The following TECTB variants were observed in gnomAD, a reference collection of about 807,000 sequenced individuals.
The protein encoded by TECTB is beta-tectorin.
A neutral mutation model predicts 43.3 loss-of-function variants in TECTB; 45 were observed. The observed-to-expected ratio is 1.04, with a 90% confidence interval of 0.82 to 1.33. The LOEUF (loss-of-function observed/expected upper bound fraction) is 1.33, where lower values mean the gene tolerates loss of function less well. TECTB is among the 40% of genes most tolerant of loss of function. The probability of loss-of-function intolerance (pLI) is 0.00; values close to 1 mark genes in which losing one functional copy is unlikely to be tolerated. For synonymous variants in TECTB, 169 were observed against 156.7 expected (o/e 1.08, Z -0.59); for missense variants, 399 against 404.7 (o/e 0.99, Z 0.12).
intron 5 of TECTB, among the ~76,000 whole-genome samples, chr10:112,292,858 T>C (rs1848510824): frequency 6.6e-6 from 1 of 152,118 alleles, no homozygotes; most frequent in Non-Finnish European, 1.5e-5. Flanking sequence ...GCCTCCTTGC[T>C]GTGCTGCCAG....
At chr10:112,294,873 GAA>G (rs904464733) in intron 7 of TECTB, among the ~76,000 whole-genome samples, 3 of 152,206 alleles carry the variant, frequency 2.0e-5, no homozygotes, top group Non-Finnish European at 4.4e-5. Flanking sequence ...GACAGCGCAA[GAA>G]ATCTGGGGAG....
At chr10:112,295,121 T>A (rs1413930558) in intron 7 of TECTB, among the ~76,000 whole-genome samples, 1 of 152,176 alleles carries the variant, frequency 6.6e-6, no homozygotes, top group Non-Finnish European at 1.5e-5. Flanking sequence ...ATCATACACA[T>A]AATTAGCAGT....
Position 112,298,185 on chromosome 10 carries a change from A to G in TECTB, c.788A>G (p.His263Arg), listed in dbSNP as rs754864230. 10 of 1,614,068 alleles carry G rather than the reference A, an allele frequency of 6.2e-6. No individual in the cohort carries two copies. The highest frequency in any genetic ancestry group is 1.6e-4 in the Middle Eastern group (1 of 6,084). Residue 263 changes from histidine (H) to arginine (R), a missense_variant, in exon 8 of 11, where the codon CAC becomes CGC. His to Arg is a conservative substitution (Grantham distance 29). Transcript: ENST00000646139. ...NIPKLSKVWL[H>R]CETFICDSEK... ...CCCAAACTCTCCAAGGTGTGGTTACACTGTGAGACGTTCATCTGCGACAGT... is the reference window on the plus strand; with the variant it reads ...CCCAAACTCTCCAAGGTGTGGTTACGCTGTGAGACGTTCATCTGCGACAGT...
chr10:112,302,388 G>A (rs990150517), intron 10 of TECTB: 10 of 436,392 alleles, frequency 2.3e-5, no homozygotes, highest in Non-Finnish European at 4.0e-5. Context: ...CCAAGTCTTA[G>A]TAAAGCCATC....
intron 5 of TECTB, among the ~76,000 whole-genome samples, chr10:112,293,260 T>G (rs1848515214): frequency 6.6e-6 from 1 of 152,172 alleles, no homozygotes; most frequent in Admixed American, 6.5e-5. Flanking sequence ...TGGTAGTGGT[T>G]GTTATTGTTG....
At chr10:112,296,332 G>A (rs12767379) in intron 7 of TECTB, among the ~76,000 whole-genome samples, 1 of 152,142 alleles carries the variant, frequency 6.6e-6, no homozygotes, top group Non-Finnish European at 1.5e-5. Flanking sequence ...CCTCCTGTGG[G>A]CTTCCACCAT....
At chr10:112,301,130 G>A (rs570929791) in intron 9 of TECTB, among the ~76,000 whole-genome samples, 79 of 152,346 alleles carry the variant, frequency 5.2e-4, no homozygotes, top group African/African-American at 1.7e-3. Context: ...TAGAAATTAC[G>A]TGAAATTCAG....
At chr10:112,303,128 A>G in intron 10 of TECTB, 135 bp from the exon 11 acceptor site, 1 of 1,021,528 alleles carries the variant, frequency 9.8e-7, no homozygotes, top group Non-Finnish European at 1.5e-6. Context: ...AGAATCCCCA[A>G]GGGATGAACA....
In TECTB at chr10:112,293,742, C is replaced by T; in HGVS notation, c.488C>T (p.Ala163Val). The change falls in exon 6 of 11, where the codon GCC becomes GTC. Residue 163 changes from alanine to valine, a missense_variant. Ala to Val is a moderately conservative substitution (Grantham distance 64, BLOSUM62 0). Transcript: ENST00000646139. ...SQLSLNFYTN[A>V]KFSIKKEAPF... Reference sequence around the variant, plus strand: ...AGTGTCAATTTCCTTCCAAAGAATGCCAAGTTCTCCATCAAGAAAGAAGCT... The same window carrying T: ...AGTGTCAATTTCCTTCCAAAGAATGTCAAGTTCTCCATCAAGAAAGAAGCT... The T allele has an allele frequency of 6.2e-7, 1 of 1,613,996 alleles. No individual in the cohort carries two copies.
At chr10:112,290,360 G>T (rs1001060967) in intron 5 of TECTB, among the ~76,000 whole-genome samples, 23 of 152,208 alleles carry the variant, frequency 1.5e-4, no homozygotes, top group African/African-American at 5.3e-4. Flanking sequence ...ATCTGGAATA[G>T]GTTTCTAATT....
chr10:112,287,539 C>T (rs1055597587), intron 5 of TECTB, among the ~76,000 whole-genome samples: 3 of 152,230 alleles, frequency 2.0e-5, no homozygotes, highest in African/African-American at 2.4e-5. Flanking sequence ...GGAGAAACAT[C>T]GTACTACCTC....
chr10:112,294,095 T>C, intron 7 of TECTB, 34 bp downstream of exon 7: 3 of 1,590,008 alleles, frequency 1.9e-6, no homozygotes, highest in Non-Finnish European at 2.6e-6. Context: ...GGCTGAACAG[T>C]GGAACCAGGC....
chr10:112,289,422 C>T (rs1052839236), intron 5 of TECTB, among the ~76,000 whole-genome samples: 1 of 152,174 alleles, frequency 6.6e-6, no homozygotes, highest in Non-Finnish European at 1.5e-5. Context: ...GGTGGTAAAC[C>T]TTGACTTTCC....
chr10:112,303,168 T>C (rs749735681), intron 10 of TECTB, 95 bp from the exon 11 acceptor site: 284 of 1,462,200 alleles, frequency 1.9e-4, no homozygotes, highest in Non-Finnish European at 2.5e-4. Flanking sequence ...TGTGTGGAAT[T>C]TTATGAAGAC....
intron 3 of TECTB, among the ~76,000 whole-genome samples, chr10:112,285,231 T>C (rs942683743): frequency 1.3e-5 from 2 of 152,252 alleles, no homozygotes; most frequent in African/African-American, 4.8e-5. Flanking sequence ...AAGTATCATA[T>C]GACAGACGAG....
At chr10:112,298,302 T>G in intron 8 of TECTB, 71 bp downstream of exon 8, 1 of 1,546,224 alleles carries the variant, frequency 6.5e-7, no homozygotes, top group Non-Finnish European at 8.8e-7. Context: ...GGAGTTTGAG[T>G]GGGGAGATCA....
intron 7 of TECTB, among the ~76,000 whole-genome samples, chr10:112,295,095 G>T (rs141485294): frequency 6.6e-6 from 1 of 152,340 alleles, no homozygotes; most frequent in East Asian, 1.9e-4. Context: ...GACAGGGCTA[G>T]ACAAGAGATG....
chr10:112,299,444 C>T (rs754802904), intron 8 of TECTB, 48 bp from the exon 9 acceptor site: 30 of 1,586,248 alleles, frequency 1.9e-5, no homozygotes, highest in Non-Finnish European at 2.3e-5. Context: ...GCTCACGCAT[C>T]ATCCCACCTT....
chr10:112,287,802 A>T (rs1370129047), intron 5 of TECTB, among the ~76,000 whole-genome samples: 2 of 152,328 alleles, frequency 1.3e-5, no homozygotes, highest in East Asian at 1.9e-4. Context: ...AATGAAACTC[A>T]TTTCAAGGCC....
Sources: gnomAD v4.1 joint callset for allele counts (sites outside exome capture counted in the v4.1 genomes callset) on GRCh38, gnomAD v4.1.1 for gene constraint, MANE v1.5 for transcripts, NCBI Gene and HGNC (gene_info 2026-07-23, HGNC 2026-07-21) for gene names.